Variants in TLL1 observed in about 807,000 individuals in gnomAD.
The protein encoded by TLL1 is tolloid like 1.
Under a neutral mutation model 128.2 loss-of-function variants are expected in TLL1, and 49 were observed. That is an observed-to-expected ratio of 0.38 (90% CI 0.30 to 0.48). The LOEUF (loss-of-function observed/expected upper bound fraction) is 0.48, where lower values mean the gene tolerates loss of function less well. Among genes scored for constraint, TLL1 ranks in the 20% least tolerant of loss-of-function variants. TLL1 has a pLI of 0.96. For missense variants in TLL1, 1,123 were observed against 1,242.0 expected (o/e 0.90, Z 1.44); for synonymous variants, 454 against 418.8 (o/e 1.08, Z -1.03).
At chr4:165,970,760 A>T (rs1735595373) in intron 1 of TLL1, among the ~76,000 whole-genome samples, 1 of 152,230 alleles carries the variant, frequency 6.6e-6, no homozygotes, top group South Asian at 2.1e-4. Context: ...AACCATATAC[A>T]GGCATTTTAA....
At chr4:166,074,588 T>C (rs1740937513) in intron 16 of TLL1, among the ~76,000 whole-genome samples, 1 of 152,098 alleles carries the variant, frequency 6.6e-6, no homozygotes, top group African/African-American at 2.4e-5. Context: ...ATTGATTCCC[T>C]CTTTCTCCTA....
intron 19 of TLL1, among the ~76,000 whole-genome samples, chr4:166,092,026 C>A (rs1741797836): frequency 8.4e-6 from 1 of 119,380 alleles, no homozygotes; most frequent in Non-Finnish European, 1.8e-5. Flanking sequence ...AGAATGTGCC[C>A]TTTTCATTCA....
chr4:165,893,448 A>G (rs1410379046), intron 1 of TLL1, among the ~76,000 whole-genome samples: 3 of 152,216 alleles, frequency 2.0e-5, no homozygotes, highest in African/African-American at 7.2e-5. Context: ...CTTCTGTTGA[A>G]GAGGTGGAGC....
intron 1 of TLL1, among the ~76,000 whole-genome samples, chr4:165,956,537 C>CT (rs1032738089): frequency 1.8e-4 from 27 of 151,534 alleles, no homozygotes; most frequent in African/African-American, 6.1e-4. Context: ...AGAAAAGTGA[C>CT]TTTTTTTGCC....
chr4:166,013,104 A>G (rs939869693), intron 7 of TLL1, among the ~76,000 whole-genome samples: 1 of 151,678 alleles, frequency 6.6e-6, no homozygotes, highest in African/African-American at 2.4e-5. Context: ...CCCGTTACCC[A>G]TATTTCTCTG....
intron 1 of TLL1, among the ~76,000 whole-genome samples, chr4:165,936,522 A>G (rs1319901769): frequency 6.6e-6 from 1 of 151,898 alleles, no homozygotes; most frequent in African/African-American, 2.4e-5. Flanking sequence ...TTTTAATTGT[A>G]TTTGTTTGTA....
At chr4:166,002,682 C>G (rs1455996282) in intron 5 of TLL1, among the ~76,000 whole-genome samples, 4 of 152,048 alleles carry the variant, frequency 2.6e-5, no homozygotes, top group African/African-American at 4.8e-5. Context: ...CGACCTCAAA[C>G]AGTCCTCCCA....
intron 1 of TLL1, chr4:165,919,922 G>A (rs917804693): frequency 1.8e-5 from 8 of 445,340 alleles, no homozygotes; most frequent in South Asian, 4.8e-5. Context: ...CTTCTCATGA[G>A]GGGAGGTCAG....
At chr4:165,934,276 A>G (rs1471139062) in intron 1 of TLL1, among the ~76,000 whole-genome samples, 2 of 151,280 alleles carry the variant, frequency 1.3e-5, no homozygotes, top group Non-Finnish European at 2.9e-5. Flanking sequence ...CAGCCTCCCA[A>G]AGTGCTGGGA....
chr4:165,906,845 T>TC (rs1491254037), intron 1 of TLL1, among the ~76,000 whole-genome samples: 1 of 151,294 alleles, frequency 6.6e-6, no homozygotes, highest in African/African-American at 2.4e-5. Flanking sequence ...TTTTTTTTTT[T>TC]TGGTTCAGTG....
rs148885172 is a variant in TLL1 at position 165,960,733 on chromosome 4, G to T, written c.170-28648G>T. 4.2e-3 allele frequency among the ~76,000 whole-genome samples: 642 copies of T among 152,208 alleles called. 4 individuals are homozygous for T. Among genetic ancestry groups the T allele is most frequent in the African/African-American group, 0.014 (585 of 41,534 alleles). On this transcript the variant is annotated intron_variant, in intron 1 of 20. Coordinates refer to ENST00000061240, the MANE Select transcript of TLL1 (RefSeq NM_012464.5). Reference sequence around the variant, plus strand: ...ATATATGATCATCTCAATAGATGCAGAAAAAGCTTTTGATATAATCCCGCC... The same window carrying T: ...ATATATGATCATCTCAATAGATGCATAAAAAGCTTTTGATATAATCCCGCC...
chr4:165,936,545 ATTTG>A (rs1733771829), intron 1 of TLL1, among the ~76,000 whole-genome samples: 1 of 151,930 alleles, frequency 6.6e-6, no homozygotes, highest in Non-Finnish European at 1.5e-5. Context: ...ATTTGATTGT[ATTTG>A]TTTGTATAGT....
intron 1 of TLL1, among the ~76,000 whole-genome samples, chr4:165,940,138 A>G (rs1037063374): frequency 6.6e-6 from 1 of 151,778 alleles, no homozygotes; most frequent in Non-Finnish European, 1.5e-5. Flanking sequence ...CCACATATCT[A>G]TCTTCTTTCT....
chr4:166,038,632 G>A (rs1180827679), intron 9 of TLL1, among the ~76,000 whole-genome samples: 1 of 152,194 alleles, frequency 6.6e-6, no homozygotes, highest in East Asian at 1.9e-4. Flanking sequence ...TAAGAAAGTT[G>A]TCTTTCCTAG....
intron 1 of TLL1, among the ~76,000 whole-genome samples, chr4:165,984,765 C>T (rs957211632): frequency 6.6e-6 from 1 of 151,854 alleles, no homozygotes; most frequent in African/African-American, 2.4e-5. Context: ...GAAAAGGGGA[C>T]ACAATTCCTA....
At chr4:166,024,096 G>C (rs1442424282) in intron 8 of TLL1, among the ~76,000 whole-genome samples, 2 of 152,106 alleles carry the variant, frequency 1.3e-5, no homozygotes, top group Admixed American at 6.5e-5. Context: ...GCCGATTTAT[G>C]TATTCTTGAC....
intron 1 of TLL1, among the ~76,000 whole-genome samples, chr4:165,884,656 G>A (rs547320633): frequency 6.6e-6 from 1 of 152,150 alleles, no homozygotes; most frequent in South Asian, 2.1e-4. Context: ...GCCAACATGG[G>A]GAAACCCCAT....
intron 9 of TLL1, among the ~76,000 whole-genome samples, chr4:166,029,213 A>G (rs1333572446): frequency 6.6e-6 from 1 of 151,956 alleles, no homozygotes; most frequent in Non-Finnish European, 1.5e-5. Flanking sequence ...TTTTAAATGT[A>G]TACTCTATCA....
At chr4:165,980,552 G>A (rs1579577284) in intron 1 of TLL1, among the ~76,000 whole-genome samples, 1 of 152,130 alleles carries the variant, frequency 6.6e-6, no homozygotes, top group South Asian at 2.1e-4. Flanking sequence ...ACTCAGAGTT[G>A]TATGTAGTTA....
Sources: gnomAD v4.1 joint callset for allele counts (sites outside exome capture counted in the v4.1 genomes callset) on GRCh38, gnomAD v4.1.1 for gene constraint, MANE v1.5 for transcripts, NCBI Gene and HGNC (gene_info 2026-07-23, HGNC 2026-07-21) for gene names.